Variants in NRG3 observed in about 807,000 individuals in gnomAD.
The protein encoded by NRG3 is neuregulin 3.
NRG3 carries 31 observed loss-of-function variants against 66.9 expected under a neutral mutation model. The observed-to-expected ratio is 0.46, with a 90% CI of 0.35 to 0.63. The LOEUF (loss-of-function observed/expected upper bound fraction) is 0.63. NRG3 is among the 20% of genes least tolerant of loss of function. The pLI, the probability that NRG3 is intolerant of heterozygous loss-of-function variation, is 0.00. For missense variants in NRG3, 910 were observed against 878.9 expected (o/e 1.04, Z -0.45); for synonymous variants, 393 against 359.4 (o/e 1.09, Z -1.06).
intron 4 of NRG3, among the ~76,000 whole-genome samples, chr10:82,865,763 A>G (rs1414919763): frequency 6.6e-6 from 1 of 152,176 alleles, no homozygotes; most frequent in African/African-American, 2.4e-5. Flanking sequence ...TTTCCTGCAC[A>G]TGTAAATTGC....
intron 4 of NRG3, among the ~76,000 whole-genome samples, chr10:82,889,717 C>T (rs1469671417): frequency 1.3e-5 from 2 of 152,156 alleles, no homozygotes; most frequent in South Asian, 2.1e-4. Flanking sequence ...ATATCGCCTG[C>T]CCCAGTCTTA....
chr10:81,892,545 G>T (rs1406763826), intron 1 of NRG3, among the ~76,000 whole-genome samples: 1 of 151,980 alleles, frequency 6.6e-6, no homozygotes, highest in Non-Finnish European at 1.5e-5. Flanking sequence ...TCAACGAAAG[G>T]CAATATTTCC....
intron 2 of NRG3, among the ~76,000 whole-genome samples, chr10:82,501,592 C>G (rs12253924): frequency 7.5e-4 from 114 of 152,052 alleles, no homozygotes; most frequent in Non-Finnish European, 1.5e-3. Flanking sequence ...GCCAATATAC[C>G]GGGGAGCCTC....
chr10:82,131,569 G>T (rs1364121649), intron 1 of NRG3, among the ~76,000 whole-genome samples: 2 of 151,916 alleles, frequency 1.3e-5, no homozygotes, highest in Non-Finnish European at 2.9e-5. Flanking sequence ...TTCTATTTCT[G>T]TGAAGAATGT....
chr10:82,415,970 G>A (rs1350806522), intron 2 of NRG3, among the ~76,000 whole-genome samples: 1 of 152,092 alleles, frequency 6.6e-6, no homozygotes, highest in Non-Finnish European at 1.5e-5. Context: ...AATGCTAAAT[G>A]TGTTATGTTA....
chr10:82,943,260 A>C (rs919060396), intron 4 of NRG3, among the ~76,000 whole-genome samples: 3 of 152,176 alleles, frequency 2.0e-5, no homozygotes, highest in Non-Finnish European at 2.9e-5. Context: ...TTTCTATTTT[A>C]TTGGTAAGGA....
At chr10:82,062,157 G>T (rs932717346) in intron 1 of NRG3, among the ~76,000 whole-genome samples, 3 of 152,108 alleles carry the variant, frequency 2.0e-5, no homozygotes, top group Admixed American at 6.5e-5. Context: ...AGCCCTGCTT[G>T]TATCTCTAGA....
intron 2 of NRG3, among the ~76,000 whole-genome samples, chr10:82,595,028 C>G (rs2047192524): frequency 1.3e-5 from 2 of 151,688 alleles, no homozygotes; most frequent in South Asian, 4.1e-4. Context: ...GCTATGTTGA[C>G]AAGGCTGGTC....
At chr10:82,973,547 G>A (rs1851966687) in intron 6 of NRG3, among the ~76,000 whole-genome samples, 1 of 152,166 alleles carries the variant, frequency 6.6e-6, no homozygotes, top group South Asian at 2.1e-4. Flanking sequence ...GCAGGCTTGG[G>A]ATGCTGACAT....
At chr10:81,993,528 G>T (rs1461582123) in intron 1 of NRG3, among the ~76,000 whole-genome samples, 5 of 151,572 alleles carry the variant, frequency 3.3e-5, no homozygotes, top group African/African-American at 1.2e-4. Context: ...ATTTTTTTTT[G>T]TAGAGATGGG....
chr10:82,492,220 A>G (rs539280762), intron 2 of NRG3, among the ~76,000 whole-genome samples: 1 of 152,328 alleles, frequency 6.6e-6, no homozygotes, highest in South Asian at 2.1e-4. Flanking sequence ...TGGATCATCC[A>G]TTCTTTCCAG....
chr10:81,971,619 A>G (rs2059936514), intron 1 of NRG3, among the ~76,000 whole-genome samples: 1 of 152,238 alleles, frequency 6.6e-6, no homozygotes. Flanking sequence ...AGTGAAGTAC[A>G]GTGATCTTGA....
intron 2 of NRG3, among the ~76,000 whole-genome samples, chr10:82,621,305 T>C (rs936148963): frequency 6.6e-6 from 1 of 152,202 alleles, no homozygotes; most frequent in Non-Finnish European, 1.5e-5. Flanking sequence ...TCTCATCTTC[T>C]CCTCAACAAA....
chr10:82,377,386 G>A (rs751068514), intron 2 of NRG3, among the ~76,000 whole-genome samples: 6 of 152,066 alleles, frequency 3.9e-5, no homozygotes, highest in Non-Finnish European at 7.3e-5. Context: ...CAGGATGAGG[G>A]TAAGTAATCT....
At chr10:82,548,523 TCACACACA>T (rs59459683) in intron 2 of NRG3, among the ~76,000 whole-genome samples, 9,156 of 139,524 alleles carry the variant, frequency 0.066, 331 homozygotes, top group Non-Finnish European at 0.095. Context: ...ATTCTGTCTC[TCACACACA>T]CACACACACA....
At chr10:82,943,199 C>T (rs917206935) in intron 4 of NRG3, among the ~76,000 whole-genome samples, 2 of 152,314 alleles carry the variant, frequency 1.3e-5, no homozygotes, top group East Asian at 3.9e-4. Flanking sequence ...ATTCTAGGCA[C>T]TTTGTTCGTG....
At chr10:82,511,977 T>C (rs1316749549) in intron 2 of NRG3, among the ~76,000 whole-genome samples, 2 of 152,202 alleles carry the variant, frequency 1.3e-5, no homozygotes, top group Non-Finnish European at 2.9e-5. Context: ...TTTTGTTATT[T>C]ATTGTTTCAT....
intron 1 of NRG3, among the ~76,000 whole-genome samples, chr10:82,310,833 T>C (rs2080985934): frequency 6.6e-6 from 1 of 152,132 alleles, no homozygotes; most frequent in African/African-American, 2.4e-5. Context: ...CTCATTCTAC[T>C]CCCTTAGAAT....
intron 8 of NRG3, among the ~76,000 whole-genome samples, chr10:82,982,009 A>C (rs1378591006): frequency 6.6e-6 from 1 of 152,232 alleles, no homozygotes; most frequent in Non-Finnish European, 1.5e-5. Flanking sequence ...TGGCTAGCCC[A>C]AAGTGACATA....
Sources: gnomAD v4.1 joint callset for allele counts (sites outside exome capture counted in the v4.1 genomes callset) on GRCh38, gnomAD v4.1.1 for gene constraint, MANE v1.5 for transcripts, NCBI Gene and HGNC (gene_info 2026-07-23, HGNC 2026-07-21) for gene names.